The following IREB2 variants were observed in gnomAD, a reference collection of about 807,000 sequenced individuals.
IREB2 encodes the protein iron-responsive element-binding protein 2.
IREB2 carries 39 observed loss-of-function variants against 118.8 expected under a neutral mutation model. That is an observed-to-expected ratio of 0.33 (90% CI 0.25 to 0.43). The LOEUF (loss-of-function observed/expected upper bound fraction) is 0.43, where lower values mean the gene tolerates loss of function less well. Ranked by LOEUF, IREB2 falls within the 20% of genes least tolerant of loss-of-function variation. The probability of loss-of-function intolerance (pLI) is 1.00; values close to 1 mark genes in which losing one functional copy is unlikely to be tolerated. For synonymous variants in IREB2, 372 were observed against 392.2 expected (o/e 0.95, Z 0.61); for missense variants, 900 against 1,147.3 (o/e 0.78, Z 3.11).
intron 7 of IREB2, 126 bp from the exon 8 acceptor site, chr15:78,473,116 A>G (rs2051407056): frequency 1.2e-6 from 1 of 817,570 alleles, no homozygotes; most frequent in African/African-American, 1.7e-5. Flanking sequence ...CCACATTAAT[A>G]GCAATATAGC....
At chr15:78,472,923 C>T (rs1292426174) in intron 7 of IREB2, among the ~76,000 whole-genome samples, 2 of 152,136 alleles carry the variant, frequency 1.3e-5, no homozygotes, top group Non-Finnish European at 2.9e-5. Flanking sequence ...TTGGCAGGGA[C>T]TGGATTCTGT....
intron 18 of IREB2, among the ~76,000 whole-genome samples, chr15:78,492,256 A>T (rs1219169984): frequency 1.3e-5 from 2 of 152,078 alleles, no homozygotes; most frequent in Admixed American, 1.3e-4. Context: ...TACCCCCCGC[A>T]CCCAGATTAT....
At chr15:78,497,384 T>C (rs1191017959) in intron 21 of IREB2, 73 bp downstream of exon 21, 1 of 1,099,494 alleles carries the variant, frequency 9.1e-7, no homozygotes, top group Non-Finnish European at 1.4e-6. Context: ...AATCAATTGC[T>C]GTAAATTATA....
rs185237178 is a variant in IREB2, at chr15:78,470,946, C to T, written c.699+345C>T. 7.1e-3 allele frequency: 1,116 copies of T among 156,330 alleles called. 12 individuals carry two copies. Among genetic ancestry groups the T allele is most frequent in the African/African-American group, 0.025 (1,035 of 41,400 alleles). The allele number at this position is 156,330 out of a possible 1,614,324, so 9.7% of individuals were successfully genotyped here. A position where few individuals can be genotyped will look rare whatever the true frequency, so the allele number is the denominator to read the frequency against. On this transcript the variant is annotated intron_variant, in intron 6 of 21. Coordinates refer to ENST00000258886, the MANE Select transcript of IREB2 (RefSeq NM_004136.4). Reference sequence around the variant, plus strand: ...CTGGCCTCAGGCAATCTGCCTGCCTCGGCCCCCCCCAAAGTGCTGGGACTA... The same window carrying T: ...CTGGCCTCAGGCAATCTGCCTGCCTTGGCCCCCCCCAAAGTGCTGGGACTA...
At chr15:78,454,092 A>G (rs73461577) in intron 2 of IREB2, among the ~76,000 whole-genome samples, 5,401 of 152,314 alleles carry the variant, frequency 0.035, 326 homozygotes, top group African/African-American at 0.12. Flanking sequence ...GCTAGTGGGA[A>G]TGTAAAATAG....
intron 16 of IREB2, 27 bp downstream of exon 16, chr15:78,488,798 A>G: frequency 1.5e-6 from 2 of 1,300,944 alleles, no homozygotes; most frequent in Non-Finnish European, 2.2e-6. Flanking sequence ...TTTCTTAAAT[A>G]GTTTAATCAA....
chr15:78,470,541 A>T lies in IREB2; in HGVS notation c.639A>T (p.Thr213=), dbSNP rs746900367. The T allele has an allele frequency of 2.3e-5, 36 of 1,593,248 alleles. No individual in the cohort carries two copies. The highest frequency in any genetic ancestry group is 4.5e-5 in the East Asian group (2 of 44,630). Residue 213 remains threonine, a synonymous_variant, in exon 6 of 22, where the codon ACA becomes ACT. Transcript: ENST00000258886. ...CTCTTCTTCCTTTTAGACCTGAAAC[A>T]GTGTTAAAAAATCAAGAAGTAGAAT... is the stretch of plus-strand genomic sequence containing the variant. ...FHLQPVPEPE[T]VLKNQEVEFG...
Position 78,495,279 on chromosome 15 carries a change from A to T in IREB2, c.2595+1015A>T, listed in dbSNP as rs555694002. 2.6e-5 allele frequency among the ~76,000 whole-genome samples: 4 copies of T among 152,342 alleles called. No individual in the cohort carries two copies. In the South Asian group the frequency reaches 8.3e-4, roughly 32 times the overall value. The stretch of plus-strand genomic sequence containing the variant: ...ATCTCATCCTTCTAAGATACTAATT[A>T]TAAGTATTATTATGAGTATTAATGA... On this transcript the variant is annotated intron_variant, in intron 20 of 21. Transcript: ENST00000258886.
Position 78,494,032 on chromosome 15 carries a change from A to C in IREB2, c.2448A>C (p.Thr816=). The C allele has an allele frequency of 6.2e-7, 1 of 1,614,106 alleles. No homozygotes were observed. The change falls in exon 19 of 22, where the codon ACA becomes ACC. Residue 816 remains threonine (T), a synonymous_variant. Transcript: ENST00000258886. The part of the protein sequence containing the change: ...NKFIGKPAPK[T]IHFPSGQTLD... Reference sequence around the variant, plus strand: ...TTATTGGAAAACCAGCTCCTAAAACAATTCATTTTCCATCAGGACAGACGG... The same window carrying C: ...TTATTGGAAAACCAGCTCCTAAAACCATTCATTTTCCATCAGGACAGACGG...
Position 78,498,216 on chromosome 15 carries a change from C to T in IREB2, c.*73C>T. 1 of 800,814 alleles carries T rather than the reference C, an allele frequency of 1.2e-6. No individual in the cohort carries two copies. Among genetic ancestry groups the T allele is most frequent in the Non-Finnish European group, 2.2e-6 (1 of 459,618 alleles). The allele number at this position is 800,814 out of a possible 1,614,324, so 49.6% of individuals were successfully genotyped here. A position where few individuals can be genotyped will look rare whatever the true frequency, so the allele number is the denominator to read the frequency against. ...TTTGTGCTGGACCCAGGAATCCTTA[C>T]CATGGAGCAGCAGATAGTCCCAGTA... On this transcript the variant is annotated 3_prime_UTR_variant, in exon 22 of 22. Transcript: ENST00000258886.
chr15:78,456,154 T>A (rs2051101834), intron 2 of IREB2, among the ~76,000 whole-genome samples: 1 of 152,180 alleles, frequency 6.6e-6, no homozygotes, highest in Non-Finnish European at 1.5e-5. Context: ...ACAGATTATA[T>A]GAGAGCATGA....
At chr15:78,495,247 A>G (rs1281282212) in intron 20 of IREB2, among the ~76,000 whole-genome samples, 1 of 152,222 alleles carries the variant, frequency 6.6e-6, no homozygotes, top group Non-Finnish European at 1.5e-5. Flanking sequence ...TGTGGGAATA[A>G]AACAAAATCT....
chr15:78,475,614 G>A lies in IREB2; in HGVS notation c.1024-574G>A, dbSNP rs1027377954. ...GTGGCTCACACCTGTGGGACGCCAAGGCAGGAGCATCACTTGAGGCCAGAA... is the reference window on the plus strand; with the variant it reads ...GTGGCTCACACCTGTGGGACGCCAAAGCAGGAGCATCACTTGAGGCCAGAA... On this transcript the variant is annotated intron_variant, in intron 8 of 21. Transcript: ENST00000258886. The A allele has an allele frequency of 1.3e-5, 2 of 152,242 alleles. 1 individual carries two copies. Among genetic ancestry groups the A allele is most frequent in the Non-Finnish European group, 2.9e-5 (2 of 68,130 alleles). 9.4% of individuals were successfully genotyped at this position (152,242 alleles called of 1,614,324 possible).
intron 16 of IREB2, among the ~76,000 whole-genome samples, chr15:78,489,644 A>G (rs577657581): frequency 6.6e-6 from 1 of 152,102 alleles, no homozygotes; most frequent in South Asian, 2.1e-4. Flanking sequence ...CCTCCTGAGT[A>G]GCTGGGGCCA....
chr15:78,466,451 A>G lies in IREB2; in HGVS notation c.591A>G (p.Thr197=), dbSNP rs1202463348. 2 of 1,613,922 alleles carry G rather than the reference A, an allele frequency of 1.2e-6. No homozygotes were observed. The highest frequency in any genetic ancestry group is 1.7e-6 in the Non-Finnish European group (2 of 1,179,960). Residue 197 remains threonine (T), a synonymous_variant, in exon 5 of 22, where the codon ACA becomes ACG. Transcript: ENST00000258886. ...SGTFSSQIEN[T]PILCPFHLQP... is the part of the protein sequence containing the mutation. Reference sequence around the variant, plus strand: ...CATTTTCTTCGCAGATTGAGAATACACCCATCCTGTGTCCTTTTCATTTGC... The same window carrying G: ...CATTTTCTTCGCAGATTGAGAATACGCCCATCCTGTGTCCTTTTCATTTGC...
At position 78,500,502 on chromosome 15, in the gene IREB2, T is replaced by G. The variant is rs191727271; in HGVS notation, c.*2359T>G. Reference sequence around the variant, plus strand: ...CTGTTAGTTTTTATTGTCTGTGTCTTCTTTGTTTACTATACCTTGGGTAAT... The same window carrying G: ...CTGTTAGTTTTTATTGTCTGTGTCTGCTTTGTTTACTATACCTTGGGTAAT... On this transcript the variant is annotated 3_prime_UTR_variant, in exon 22 of 22. Coordinates refer to ENST00000258886, the MANE Select transcript of IREB2 (RefSeq NM_004136.4). 69 of 151,328 alleles carry G rather than the reference T, an allele frequency of 4.6e-4. 1 individual carries two copies. Among genetic ancestry groups the G allele is most frequent in the Admixed American group, 2.8e-3 (43 of 15,134 alleles). 9.4% of individuals were successfully genotyped at this position (151,328 alleles called of 1,614,324 possible).
rs993879684 is a variant in IREB2, at chr15:78,499,582, A to C, written c.*1439A>C. 3 of 152,266 alleles carry C rather than the reference A, an allele frequency of 2.0e-5. No individual in the cohort carries two copies. The highest frequency in any genetic ancestry group is 4.4e-5 in the Non-Finnish European group (3 of 68,050). 9.4% of individuals were successfully genotyped at this position (152,266 alleles called of 1,614,324 possible). A position where few individuals can be genotyped will look rare whatever the true frequency, so the allele number is the denominator to read the frequency against. On this transcript the variant is annotated 3_prime_UTR_variant, in exon 22 of 22. Coordinates refer to ENST00000258886, the MANE Select transcript of IREB2 (RefSeq NM_004136.4). ...TTGCACATAATCATACAATCTTTTG[A>C]AAATATTTTGCAAATATGTGTTTAG...
Position 78,500,143 on chromosome 15 carries a change from C to G in IREB2, c.*2000C>G, listed in dbSNP as rs1008351920. On this transcript the variant is annotated 3_prime_UTR_variant, in exon 22 of 22. Transcript: ENST00000258886. ...GGGATTACAGGTGTGAGCCACCACA[C>G]CCGGCCTATATTGTTTTGAAAGCAT... The G allele has an allele frequency of 6.6e-6, 1 of 152,246 alleles. No homozygotes were observed. Among genetic ancestry groups the G allele is most frequent in the Non-Finnish European group, 1.5e-5 (1 of 68,118 alleles). The allele number at this position is 152,246 out of a possible 1,614,324, so 9.4% of individuals were successfully genotyped here. A position where few individuals can be genotyped will look rare whatever the true frequency, so the allele number is the denominator to read the frequency against.
chr15:78,470,683 CTTTTCCTTT>C (rs1273877080), intron 6 of IREB2, 82 bp downstream of exon 6: 3 of 331,572 alleles, frequency 9.0e-6, no homozygotes, highest in Non-Finnish European at 1.5e-5. Context: ...GTTTCTTTTT[CTTTTCCTTT>C]TTTTTTTTTT....
Sources: gnomAD v4.1 joint callset for allele counts (sites outside exome capture counted in the v4.1 genomes callset) on GRCh38, gnomAD v4.1.1 for gene constraint, MANE v1.5 for transcripts, NCBI Gene and HGNC (gene_info 2026-07-23, HGNC 2026-07-21) for gene names.